COL18A1: variants seen among roughly 807,000 people sequenced by gnomAD.
COL18A1 encodes the protein collagen type XVIII alpha 1 chain.
In COL18A1, 133 loss-of-function variants were observed where a neutral mutation model predicts 168.0. The ratio of observed to expected loss-of-function variants is 0.79; its 90% CI spans 0.69 to 0.91. The LOEUF is 0.91. COL18A1 is among the 40% of genes least tolerant of loss of function. COL18A1 has a pLI of 0.00. For missense variants in COL18A1, 2,126 were observed against 1,925.4 expected (o/e 1.10, Z -1.95); for synonymous variants, 949 against 809.0 (o/e 1.17, Z -2.94).
At chr21:45,412,243 T>TC (rs1252934397) in intron 2 of COL18A1, among the ~76,000 whole-genome samples, 1 of 150,944 alleles carries the variant, frequency 6.6e-6, no homozygotes, top group African/African-American at 2.4e-5. Flanking sequence ...ATTTCTTTTT[T>TC]TTTTTTTTTT....
chr21:45,451,818 C>T (rs2034629450), intron 2 of COL18A1, among the ~76,000 whole-genome samples: 1 of 152,206 alleles, frequency 6.6e-6, no homozygotes, highest in Non-Finnish European at 1.5e-5. Context: ...CTCACCTGTC[C>T]TGTCAACTCT....
intron 2 of COL18A1, among the ~76,000 whole-genome samples, chr21:45,458,722 C>T (rs114760041): frequency 0.012 from 1,760 of 152,280 alleles, 29 homozygotes; most frequent in African/African-American, 0.04. Context: ...TGCAAGCCCA[C>T]GGAGGCAGAC....
Position 45,509,546 on chromosome 21 carries a change from G to GGCCGGCGCGACCCACAA in COL18A1, c.3444_3460dup (p.Pro1154ArgfsTer103). On this transcript the variant is annotated frameshift_variant, in exon 39 of 42. Transcript: ENST00000651438. LOFTEE classifies it high-confidence loss of function. ...CACCACAGCTCCTACGTGCACCTGC[G>GGCCGGCGCGACCCACAA]GCCGGCGCGACCCACAAGCCCACCC... 6.5e-7 allele frequency: 1 copy of GGCCGGCGCGACCCACAA among 1,536,994 alleles called. No individual in the cohort carries two copies. The highest frequency in any genetic ancestry group is 8.7e-7 in the Non-Finnish European group (1 of 1,145,266).
rs1387019319 is a variant in COL18A1 at position 45,473,673 on chromosome 21, C to G, written c.652-222C>G. Reference sequence around the variant, plus strand: ...GTCTGAGGGAGCAGCCTCCGCCCAGCCGGGTGCTTTCCACATGAAAGCGCC... The same window carrying G: ...GTCTGAGGGAGCAGCCTCCGCCCAGGCGGGTGCTTTCCACATGAAAGCGCC... On this transcript the variant is annotated intron_variant, in intron 3 of 41. Transcript: ENST00000651438. The surrounding 1 kb of genome is among the most constrained non-coding windows in gnomAD (Gnocchi z 4.0). Among the ~76,000 whole-genome samples, 2 of 152,176 alleles carry G rather than the reference C, an allele frequency of 1.3e-5. No individual in the cohort carries two copies. Among genetic ancestry groups the G allele is most frequent in the East Asian group, 1.9e-4 (1 of 5,178 alleles).
intron 2 of COL18A1, among the ~76,000 whole-genome samples, chr21:45,447,407 A>G (rs1326589975): frequency 1.3e-5 from 2 of 152,196 alleles, no homozygotes; most frequent in African/African-American, 4.8e-5. Context: ...TTTATTTTGC[A>G]ATGAACAATC....
chr21:45,408,803 A>G (rs1264759764), intron 2 of COL18A1, among the ~76,000 whole-genome samples: 3 of 152,100 alleles, frequency 2.0e-5, no homozygotes, highest in Non-Finnish European at 4.4e-5. Flanking sequence ...TGTGGAGCGT[A>G]TGTTGGAGAC....
chr21:45,482,240 C>T, intron 14 of COL18A1: 1 of 623,464 alleles, frequency 1.6e-6, no homozygotes, highest in Non-Finnish European at 2.9e-6. Flanking sequence ...TGAGTGGACT[C>T]ACGGGTTTTA....
chr21:45,492,854 T>C (rs2036401558), intron 24 of COL18A1, 141 bp downstream of exon 24: 3 of 777,664 alleles, frequency 3.9e-6, no homozygotes, highest in Non-Finnish European at 6.6e-6. Flanking sequence ...AAGGAAATGA[T>C]GGGAGTGGGA....
intron 2 of COL18A1, among the ~76,000 whole-genome samples, chr21:45,458,965 A>C (rs2034947223): frequency 6.6e-6 from 1 of 152,210 alleles, no homozygotes; most frequent in Non-Finnish European, 1.5e-5. Flanking sequence ...CTGCAACTGC[A>C]GCTGGCCCGG....
At chr21:45,467,194 C>G (rs1268662299) in intron 2 of COL18A1, 1 of 964,760 alleles carries the variant, frequency 1.0e-6, no homozygotes, top group Non-Finnish European at 1.2e-6. Flanking sequence ...GGTGCTGCCC[C>G]CCTCCCGTGG....
chr21:45,451,509 G>A (rs188852787), intron 2 of COL18A1, among the ~76,000 whole-genome samples: 179 of 152,320 alleles, frequency 1.2e-3, no homozygotes, highest in African/African-American at 4.1e-3. Context: ...CGGGGTTGGC[G>A]AGCCATGCTC....
At chr21:45,466,567 T>C (rs74440669) in intron 2 of COL18A1, among the ~76,000 whole-genome samples, 4,429 of 152,302 alleles carry the variant, frequency 0.029, 231 homozygotes, top group African/African-American at 0.1. Flanking sequence ...CAGCTGGGCC[T>C]GTACCTCGGG....
In COL18A1 at chr21:45,511,236, C is replaced by T. The variant is rs1177824412; in HGVS notation, c.3809+10C>T. ...TGAGGCACCCCACCTGGTAGGTTCC[C>T]AGTGCCGTGTGAGCAGCTCTGAGAG... is the stretch of plus-strand genomic sequence containing the variant. On this transcript the variant is annotated intron_variant, in intron 41 of 41. Coordinates refer to ENST00000651438, the MANE Select transcript of COL18A1 (RefSeq NM_001379500.1). 8 of 1,472,604 alleles carry T rather than the reference C, an allele frequency of 5.4e-6. 1 individual carries two copies. The Admixed American group carries it at 1.3e-4, about 24-fold the overall frequency. The allele number at this position is 1,472,604 out of a possible 1,614,324, so 91.2% of individuals were successfully genotyped here.
chr21:45,435,968 A>G (rs1204811678), intron 2 of COL18A1, among the ~76,000 whole-genome samples: 1 of 152,076 alleles, frequency 6.6e-6, no homozygotes, highest in African/African-American at 2.4e-5. Context: ...TTCACAGCAG[A>G]GCTGTGGGTC....
intron 30 of COL18A1, 101 bp from the exon 31 acceptor site, chr21:45,496,948 TC>T: frequency 1.3e-6 from 1 of 793,008 alleles, no homozygotes; most frequent in East Asian, 2.5e-5. Flanking sequence ...CTATGTGGCC[TC>T]ATACAGGGGC....
At position 45,456,756 on chromosome 21, in the gene COL18A1, G is replaced by A. The variant is rs961975007; in HGVS notation, c.107-11486G>A. On this transcript the variant is annotated intron_variant, in intron 2 of 41. Transcript: ENST00000651438. ...CCGCCGCCCGCCCCGCCACCCTGCT[G>A]CCAGTTCTGCGAGGCCCTGCAGGAT... 3.2e-5 allele frequency: 50 copies of A among 1,539,726 alleles called. No homozygotes were observed. The Admixed American group carries it at 4.9e-4, about 15-fold the overall frequency.
chr21:45,455,386 C>T (rs975080439), intron 2 of COL18A1: 3 of 1,178,346 alleles, frequency 2.5e-6, no homozygotes, highest in African/African-American at 3.0e-5. Context: ...GCCTTCTTTC[C>T]TTCTGCAAGA....
chr21:45,489,484 A>G lies in COL18A1; in HGVS notation c.1924-2A>G. 6.2e-7 allele frequency: 1 copy of G among 1,600,966 alleles called. No individual in the cohort carries two copies. The highest frequency in any genetic ancestry group is 8.5e-7 in the Non-Finnish European group (1 of 1,173,788). On this transcript the variant is annotated splice_acceptor_variant, in intron 18 of 41. Coordinates refer to ENST00000651438, the MANE Select transcript of COL18A1 (RefSeq NM_001379500.1). LOFTEE classifies it high-confidence loss of function. ...GCTCACGGAGCCCCTTTTTTCACTTAGGGGGATCCTGGCGTGCCTGGGCTG... is the reference window on the plus strand; with the variant it reads ...GCTCACGGAGCCCCTTTTTTCACTTGGGGGGATCCTGGCGTGCCTGGGCTG...
At chr21:45,504,902 G>A (rs2037098382) in intron 34 of COL18A1, among the ~76,000 whole-genome samples, 1 of 134,740 alleles carries the variant, frequency 7.4e-6, no homozygotes. Flanking sequence ...TACTGCCTGG[G>A]GGCCCACACT....
Sources: allele counts gnomAD v4.1 joint callset (sites outside exome capture counted in the v4.1 genomes callset), GRCh38; gene constraint gnomAD v4.1.1; non-coding constraint Gnocchi (gnomAD v3.1); transcripts MANE v1.5; gene names NCBI Gene and HGNC (gene_info 2026-07-23, HGNC 2026-07-21).